Variants in LRRC4C observed in about 807,000 individuals in gnomAD.
The protein encoded by LRRC4C is leucine rich repeat containing 4C, also known as leucine-rich repeat-containing protein 4C.
LRRC4C carries 5 observed loss-of-function variants against 33.6 expected under a neutral mutation model. That is an observed-to-expected ratio of 0.15 (90% CI 0.08 to 0.31). The LOEUF (loss-of-function observed/expected upper bound fraction) is 0.31. Among genes scored for constraint, LRRC4C ranks in the 10% least tolerant of loss-of-function variants. The probability of loss-of-function intolerance (pLI) is 1.00; values close to 1 mark genes in which losing one functional copy is unlikely to be tolerated. For synonymous variants in LRRC4C, 329 were observed against 302.0 expected (o/e 1.09, Z -0.93); for missense variants, 560 against 796.7 (o/e 0.70, Z 3.58).
intron 5 of LRRC4C, among the ~76,000 whole-genome samples, chr11:40,237,270 C>T (rs767567704): frequency 9.2e-4 from 140 of 152,322 alleles, no homozygotes; most frequent in Non-Finnish European, 1.7e-3. Flanking sequence ...CATCTTTCTT[C>T]TGCCTTTTAC....
chr11:40,119,491 G>C (rs963479874), intron 6 of LRRC4C, among the ~76,000 whole-genome samples: 1 of 152,108 alleles, frequency 6.6e-6, no homozygotes, highest in African/African-American at 2.4e-5. Context: ...CCATCAGCCT[G>C]TGGACTCTGT....
At chr11:40,269,690 TATAC>T (rs1024973265) in intron 4 of LRRC4C, among the ~76,000 whole-genome samples, 1 of 152,028 alleles carries the variant, frequency 6.6e-6, no homozygotes, top group African/African-American at 2.4e-5. Context: ...TAAATAATAA[TATAC>T]AAATAACGGG....
intron 1 of LRRC4C, among the ~76,000 whole-genome samples, chr11:41,242,661 T>C (rs1948300223): frequency 6.6e-6 from 1 of 152,174 alleles, no homozygotes; most frequent in African/African-American, 2.4e-5. Context: ...TGTATCTATC[T>C]GTCTGTCTGT....
Position 41,163,288 on chromosome 11 carries a change from T to TTTTTTTTTTTTTG in LRRC4C, c.-495-229566_-495-229565insCAAAAAAAAAAAA. Among the ~76,000 whole-genome samples, 2 of 110,718 alleles carry TTTTTTTTTTTTTG rather than the reference T, an allele frequency of 1.8e-5. 1 individual carries two copies. The highest frequency in any genetic ancestry group is 3.9e-5 in the Non-Finnish European group (2 of 51,798). The allele number at this position is 110,718 out of a possible 152,430, so 72.6% of individuals were successfully genotyped here. On this transcript the variant is annotated intron_variant, in intron 1 of 6. Coordinates refer to ENST00000528697, the MANE Select transcript of LRRC4C (RefSeq NM_001258419.2). Reference sequence around the variant, plus strand: ...TAAACTTAGTTTACTGTAACTGTTTTTTTTTTTTTTTTTCAAACAGGGTCT... The same window carrying TTTTTTTTTTTTTG: ...TAAACTTAGTTTACTGTAACTGTTTTTTTTTTTTTTTTGTTTTTTTTTTTTTCAAACAGGGTCT...
intron 3 of LRRC4C, among the ~76,000 whole-genome samples, chr11:40,608,874 A>G (rs1380157392): frequency 6.6e-6 from 1 of 152,176 alleles, no homozygotes; most frequent in East Asian, 1.9e-4. Context: ...TCATTAGAAG[A>G]TAACAATTAT....
At chr11:40,693,696 G>A (rs1220734534) in intron 2 of LRRC4C, among the ~76,000 whole-genome samples, 1 of 152,062 alleles carries the variant, frequency 6.6e-6, no homozygotes, top group Non-Finnish European at 1.5e-5. Flanking sequence ...CACATAGCAA[G>A]AGGCACAGCA....
rs1954800498 is a variant in LRRC4C, at chr11:40,874,611, G to A, written c.-407+59024C>T. 2.0e-5 allele frequency among the ~76,000 whole-genome samples: 3 copies of A among 152,258 alleles called. No homozygotes were observed. In the East Asian group the frequency reaches 5.8e-4, roughly 29 times the overall value. On this transcript the variant is annotated intron_variant, in intron 2 of 6. Transcript: ENST00000528697. ...ACCTACCCGAAATGCTGCAACTGTG[G>A]AGGAAATACTAAATTCAGAAATGAA...
intron 4 of LRRC4C, among the ~76,000 whole-genome samples, chr11:40,286,464 T>G (rs995152168): frequency 1.3e-5 from 2 of 152,194 alleles, no homozygotes; most frequent in African/African-American, 4.8e-5. Flanking sequence ...TTCATTATTT[T>G]TAGACTTCAT....
chr11:40,645,598 G>A (rs912287400), intron 3 of LRRC4C, among the ~76,000 whole-genome samples: 31 of 151,530 alleles, frequency 2.0e-4, no homozygotes, highest in Admixed American at 6.6e-4. Context: ...TACAATTCAG[G>A]AAGAAAAAAA....
intron 1 of LRRC4C, among the ~76,000 whole-genome samples, chr11:41,237,908 T>TA (rs1948091674): frequency 6.6e-6 from 1 of 152,176 alleles, no homozygotes; most frequent in South Asian, 2.1e-4. Flanking sequence ...ACAATTTCAT[T>TA]AAAAATATCT....
At chr11:40,520,418 A>G (rs997794470) in intron 3 of LRRC4C, among the ~76,000 whole-genome samples, 2 of 152,214 alleles carry the variant, frequency 1.3e-5, no homozygotes, top group Admixed American at 1.3e-4. Context: ...TTTCACTTGA[A>G]TACTTACTGA....
intron 1 of LRRC4C, among the ~76,000 whole-genome samples, chr11:41,221,593 A>T (rs1324716620): frequency 6.6e-6 from 1 of 152,342 alleles, no homozygotes; most frequent in African/African-American, 2.4e-5. Context: ...ATAAAGACAT[A>T]TGCAGGAATA....
intron 1 of LRRC4C, among the ~76,000 whole-genome samples, chr11:41,325,738 G>GT (rs1340026946): frequency 6.6e-6 from 1 of 152,012 alleles, no homozygotes; most frequent in East Asian, 1.9e-4. Flanking sequence ...TGTTAGGAAT[G>GT]TTTAGTCAGA....
intron 2 of LRRC4C, among the ~76,000 whole-genome samples, chr11:40,723,791 C>A (rs1031657035): frequency 7.2e-5 from 11 of 152,056 alleles, no homozygotes; most frequent in African/African-American, 2.7e-4. Context: ...AGTCTAAACA[C>A]CCACTTAACA....
chr11:40,148,988 T>C (rs1213237653), intron 5 of LRRC4C, among the ~76,000 whole-genome samples: 1 of 152,164 alleles, frequency 6.6e-6, no homozygotes, highest in Non-Finnish European at 1.5e-5. Context: ...ATCAGATAGT[T>C]GTAGGAGTGC....
At chr11:41,402,210 T>C (rs547846532) in intron 1 of LRRC4C, among the ~76,000 whole-genome samples, 1 of 152,190 alleles carries the variant, frequency 6.6e-6, no homozygotes, top group East Asian at 1.9e-4. Flanking sequence ...ATCCATGGAA[T>C]GATGCATTTA....
chr11:40,925,677 A>G (rs1220658981), intron 2 of LRRC4C, among the ~76,000 whole-genome samples: 4 of 152,196 alleles, frequency 2.6e-5, no homozygotes, highest in Non-Finnish European at 5.9e-5. Flanking sequence ...GGGTTTGGAC[A>G]AACTTATGTT....
intron 3 of LRRC4C, among the ~76,000 whole-genome samples, chr11:40,429,484 G>T (rs956555337): frequency 2.0e-5 from 3 of 151,800 alleles, no homozygotes; most frequent in Non-Finnish European, 4.4e-5. Flanking sequence ...ACTTCTTTTA[G>T]ACTAAGAACT....
rs1323279700 is a variant in LRRC4C, at chr11:40,115,826, C to T, written c.467G>A (p.Arg156Gln). The T allele has an allele frequency of 2.5e-6, 4 of 1,614,130 alleles. No individual in the cohort carries two copies. The highest frequency in any genetic ancestry group is 2.5e-6 in the Non-Finnish European group (3 of 1,180,018). ...AGGGATGCTTTCAATGGGGTTGTTT[C>T]GCAACCAGAGCTCCTTCAGTTTAGA... ...YLSKLKELWL[R>Q]NNPIESIPSY... The change falls in exon 7 of 7, where the codon CGA (arginine) becomes CAA (glutamine). Residue 156 changes from arginine to glutamine, a missense_variant. By Grantham distance (43) the Arg-to-Gln change is conservative. This residue lies in a region of LRRC4C where 455 missense variants were observed against 643.8 expected (regional missense o/e 0.71). Coordinates refer to ENST00000528697, the MANE Select transcript of LRRC4C (RefSeq NM_001258419.2). The surrounding 1 kb of genome is among the most constrained non-coding windows in gnomAD (Gnocchi z 6.7).
Sources: gnomAD v4.1 joint callset for allele counts (sites outside exome capture counted in the v4.1 genomes callset) on GRCh38, gnomAD v4.1.1 for gene constraint, gnomAD v4.1.1 regional missense constraint, Gnocchi (gnomAD v3.1) non-coding constraint, MANE v1.5 for transcripts, NCBI Gene and HGNC (gene_info 2026-07-23, HGNC 2026-07-21) for gene names.